The following GPR89B variants were observed in gnomAD, a reference collection of about 807,000 sequenced individuals.
The protein encoded by GPR89B is golgi pH regulator B.
A neutral mutation model predicts 52.4 loss-of-function variants in GPR89B; 25 were observed. The observed-to-expected ratio is 0.48, with a 90% confidence interval of 0.35 to 0.67. The LOEUF (loss-of-function observed/expected upper bound fraction) is 0.67, where lower values mean the gene tolerates loss of function less well. GPR89B is among the 30% of genes least tolerant of loss of function. The pLI is 0.01. For missense variants in GPR89B, 146 were observed against 450.2 expected (o/e 0.32, Z 6.11); for synonymous variants, 52 against 151.2 (o/e 0.34, Z 4.81).
At chr1:148,015,809 A>G in the GPR89B span, among the ~76,000 whole-genome samples, 2 of 150,046 alleles carry the variant, frequency 1.3e-5, no homozygotes, top group Non-Finnish European at 3.0e-5. Flanking sequence ...CAATTACTAT[A>G]GGAAGAGCAA....
intron 8 of GPR89B, 65 bp from the exon 9 acceptor site, chr1:147,968,810 G>A (rs1340888248): frequency 6.2e-7 from 1 of 1,612,322 alleles, no homozygotes; most frequent in Non-Finnish European, 8.5e-7. Context: ...AAAAGTATAT[G>A]CTTTCTCATT....
In GPR89B at chr1:147,986,312, A is replaced by G; in HGVS notation, c.1005+18A>G. ...AATTTGATGTAAGTGTTATATCAAG[A>G]TCCTGGTTTGTCATGTTTCTGTTTT... On this transcript the variant is annotated intron_variant, in intron 11 of 13. Coordinates refer to ENST00000314163, the MANE Select transcript of GPR89B (RefSeq NM_016334.5). 3.1e-6 allele frequency: 5 copies of G among 1,610,554 alleles called. No individual in the cohort carries two copies. The highest frequency in any genetic ancestry group is 4.2e-6 in the Non-Finnish European group (5 of 1,178,844).
intron 5 of GPR89B, among the ~76,000 whole-genome samples, chr1:147,945,581 A>G (rs1654898832): frequency 6.6e-6 from 1 of 152,250 alleles, no homozygotes. Flanking sequence ...AAAATTTCAA[A>G]TAACATTAAA....
chr1:147,965,512 T>A (rs1656964758), intron 7 of GPR89B, among the ~76,000 whole-genome samples: 1 of 152,142 alleles, frequency 6.6e-6, no homozygotes, highest in African/African-American at 2.4e-5. Context: ...GTACAAATGA[T>A]CTTTTATTTT....
the GPR89B span, among the ~76,000 whole-genome samples, chr1:148,017,888 A>T: frequency 1.4e-5 from 2 of 145,614 alleles, no homozygotes; most frequent in African/African-American, 5.2e-5. Flanking sequence ...ACTCCTCAGA[A>T]TGTGTGTCTG....
At chr1:147,950,141 G>A (rs1553250738) in intron 5 of GPR89B, among the ~76,000 whole-genome samples, 2 of 149,866 alleles carry the variant, frequency 1.3e-5, no homozygotes, top group African/African-American at 2.5e-5. Flanking sequence ...CCCAGACGGG[G>A]TGGCTGCCGG....
At chr1:148,014,408 C>G in the GPR89B span, 1 of 151,394 alleles carries the variant, frequency 6.6e-6, no homozygotes, top group African/African-American at 2.5e-5. Context: ...TGAGCCAAGG[C>G]ATGTCAGGAG....
chr1:148,024,065 T>C, the GPR89B span, among the ~76,000 whole-genome samples: 1 of 147,766 alleles, frequency 6.8e-6, no homozygotes, highest in African/African-American at 2.6e-5. Flanking sequence ...CTTTTTCTGC[T>C]TTGAGGTCCC....
At chr1:147,950,551 A>C (rs1655576637) in intron 5 of GPR89B, among the ~76,000 whole-genome samples, 1 of 152,206 alleles carries the variant, frequency 6.6e-6, no homozygotes, top group African/African-American at 2.4e-5. Context: ...CAGAGGCTGC[A>C]ATCTTGGCAC....
At chr1:148,006,508 C>T in the GPR89B span, among the ~76,000 whole-genome samples, 2 of 151,926 alleles carry the variant, frequency 1.3e-5, no homozygotes, top group Non-Finnish European at 2.9e-5. Context: ...CATTCCAAGA[C>T]CCCCAGTGGA....
intron 2 of GPR89B, among the ~76,000 whole-genome samples, chr1:147,938,326 G>GA (rs1553248328): frequency 6.6e-6 from 1 of 151,334 alleles, no homozygotes; most frequent in East Asian, 1.9e-4. Context: ...AATACTTTAA[G>GA]ACCTCCCGAG....
At chr1:148,008,831 G>T in the GPR89B span, among the ~76,000 whole-genome samples, 4 of 152,070 alleles carry the variant, frequency 2.6e-5, no homozygotes, top group African/African-American at 9.7e-5. Context: ...GGAAATTTTT[G>T]CGGTATTCTC....
intron 1 of GPR89B, among the ~76,000 whole-genome samples, chr1:147,932,879 A>T (rs1345366333): frequency 1.3e-5 from 2 of 152,168 alleles, no homozygotes; most frequent in African/African-American, 4.8e-5. Flanking sequence ...AAAAAAGCAC[A>T]GATTTTGGAG....
At chr1:148,001,483 GACT>G in the GPR89B span, 1 of 697,510 alleles carries the variant, frequency 1.4e-6, no homozygotes. Context: ...TCCTCTGCTG[GACT>G]TCCAGAATCT....
Position 147,991,690 on chromosome 1 carries a change from A to G in GPR89B, c.1096-812A>G, listed in dbSNP as rs1167897634. On this transcript the variant is annotated intron_variant, in intron 12 of 13. Coordinates refer to ENST00000314163, the MANE Select transcript of GPR89B (RefSeq NM_016334.5). The stretch of plus-strand genomic sequence containing the variant: ...GAATTTTGTCAAAGGCCTTTTCTGC[A>G]TCTATTGAGATAACCATGTGGTTTT... Among the ~76,000 whole-genome samples, 3 of 152,302 alleles carry G rather than the reference A, an allele frequency of 2.0e-5. No individual in the cohort carries two copies. In the East Asian group the frequency reaches 5.8e-4, roughly 29 times the overall value.
At chr1:147,970,529 CTCTCTA>C (rs1247289109) in intron 10 of GPR89B, among the ~76,000 whole-genome samples, 9 of 141,562 alleles carry the variant, frequency 6.4e-5, no homozygotes, top group Middle Eastern at 3.4e-3. Context: ...CTCTCTCTCT[CTCTCTA>C]TCTCTATCTC....
the GPR89B span, among the ~76,000 whole-genome samples, chr1:148,001,850 T>C: frequency 6.6e-6 from 1 of 151,790 alleles, no homozygotes; most frequent in Non-Finnish European, 1.5e-5. Flanking sequence ...GGCATACTTG[T>C]AGCCACGCGT....
intron 5 of GPR89B, among the ~76,000 whole-genome samples, chr1:147,945,526 C>T (rs1415126953): frequency 9.9e-5 from 15 of 152,136 alleles, no homozygotes; most frequent in Admixed American, 2.0e-4. Flanking sequence ...AAAGCATATG[C>T]AATACCATAA....
the GPR89B span, among the ~76,000 whole-genome samples, chr1:148,023,747 G>T: frequency 6.6e-6 from 1 of 150,556 alleles, no homozygotes; most frequent in Non-Finnish European, 1.5e-5. Flanking sequence ...CTTTTAAGAA[G>T]TGCCTGTTCA....
Sources: allele counts gnomAD v4.1 joint callset (sites outside exome capture counted in the v4.1 genomes callset), GRCh38; gene constraint gnomAD v4.1.1; transcripts MANE v1.5; gene names NCBI Gene and HGNC (gene_info 2026-07-23, HGNC 2026-07-21).